Variants in ADH5 observed in about 807,000 individuals in gnomAD.
The protein encoded by ADH5 is alcohol dehydrogenase 5 (class III), chi polypeptide, also known as alcohol dehydrogenase class-3.
In ADH5, 32 loss-of-function variants were observed where a neutral mutation model predicts 40.3. That is an observed-to-expected ratio of 0.79 (90% CI 0.60 to 1.07). The LOEUF (loss-of-function observed/expected upper bound fraction) is 1.07, where lower values mean the gene tolerates loss of function less well. Ranked by LOEUF, ADH5 falls within the 50% of genes least tolerant of loss-of-function variation. ADH5 has a pLI of 0.00. For synonymous variants in ADH5, 125 were observed against 154.3 expected (o/e 0.81, Z 1.41); for missense variants, 353 against 460.5 (o/e 0.77, Z 2.14).
Position 99,076,709 on chromosome 4 carries a change from C to G in ADH5, c.559G>C (p.Ala187Pro). 4 of 1,613,638 alleles carry G rather than the reference C, an allele frequency of 2.5e-6. No homozygotes were observed. Among genetic ancestry groups the G allele is most frequent in the Non-Finnish European group, 3.4e-6 (4 of 1,179,770 alleles). Residue 187 changes from alanine (A) to proline (P), a missense_variant, in exon 5 of 9, where the codon GCC becomes CCC. Coordinates refer to ENST00000296412, the MANE Select transcript of ADH5 (RefSeq NM_000671.4). ...STGYGAAVNT[A>P]KLEPGSVCAV... is the part of the protein sequence containing the mutation. ...AACCCAAGTCAGTCTCTTACCTTGG[C>G]AGTGTTCACAGCAGCACCATAACCG...
At position 99,074,493 on chromosome 4, in the gene ADH5, T is replaced by A. The variant is rs28730633; in HGVS notation, c.961+421A>T. Among the ~76,000 whole-genome samples the A allele has an allele frequency of 3.0e-3, 464 of 152,272 alleles. 9 individuals carry two copies. Among genetic ancestry groups the A allele is most frequent in the African/African-American group, 0.011 (446 of 41,536 alleles). On this transcript the variant is annotated intron_variant, in intron 7 of 8. Coordinates refer to ENST00000296412, the MANE Select transcript of ADH5 (RefSeq NM_000671.4). ...CTGCTAAAATCAGACAGATATATGA[T>A]CACATCCAGTGATCACTGCACTCCT... is the stretch of plus-strand genomic sequence containing the variant.
chr4:99,081,399 GACAAA>G lies in ADH5; in HGVS notation c.305_309del (p.Phe102SerfsTer4). 1.2e-6 allele frequency: 2 copies of G among 1,608,130 alleles called. No individual in the cohort carries two copies. The highest frequency in any genetic ancestry group is 1.3e-5 in the African/African-American group (1 of 74,954). The stretch of plus-strand genomic sequence containing the variant: ...TGGCAAAGGTTAGTTTTAGGATTTA[GACAAA>G]ATTTGCATTCTCCACACTGTGGGAT... On this transcript the variant is annotated frameshift_variant, in exon 4 of 9. Coordinates refer to ENST00000296412, the MANE Select transcript of ADH5 (RefSeq NM_000671.4). LOFTEE classifies it high-confidence loss of function.
chr4:99,081,424 T>C lies in ADH5; in HGVS notation c.285A>G (p.Pro95=), dbSNP rs1466008231. The change falls in exon 4 of 9, where the codon CCA becomes CCG. Residue 95 remains proline (P), a synonymous_variant. Coordinates refer to ENST00000296412, the MANE Select transcript of ADH5 (RefSeq NM_000671.4). Reference sequence around the variant, plus strand: ...GACAAAATTTGCATTCTCCACACTGTGGGATGTAAAGTGGGATGACAGTGT... The same window carrying C: ...GACAAAATTTGCATTCTCCACACTGCGGGATGTAAAGTGGGATGACAGTGT... The part of the protein sequence containing the change: ...AGDTVIPLYI[P]QCGECKFCLN... 1 of 1,610,172 alleles carries C rather than the reference T, an allele frequency of 6.2e-7. No homozygotes were observed. Among genetic ancestry groups the C allele is most frequent in the Admixed American group, 1.7e-5 (1 of 59,630 alleles).
chr4:99,076,780 A>G lies in ADH5; in HGVS notation c.488T>C (p.Leu163Ser), dbSNP rs28730623. The G allele has an allele frequency of 2.0e-3, 3,296 of 1,614,026 alleles. 39 individuals carry two copies. In the African/African-American group the frequency reaches 0.034, roughly 17 times the overall value. The change falls in exon 5 of 9, where the codon TTA (leucine) becomes TCA (serine). Residue 163 changes from leucine (L) to serine (S), a missense_variant. Leu to Ser is a moderately radical substitution (Grantham distance 145). Coordinates refer to ENST00000296412, the MANE Select transcript of ADH5 (RefSeq NM_000671.4). ...ADISVAKIDP[L>S]APLDKVCLLG... Reference sequence around the variant, plus strand: ...AAGGCAGACTTTATCCAAAGGTGCTAAAGGATCTATTTTAGCAACAGAGAT... The same window carrying G: ...AAGGCAGACTTTATCCAAAGGTGCTGAAGGATCTATTTTAGCAACAGAGAT...
chr4:99,072,786 A>C, intron 7 of ADH5, 75 bp from the exon 8 acceptor site: 1 of 1,382,222 alleles, frequency 7.2e-7, no homozygotes, highest in Non-Finnish European at 9.9e-7. Flanking sequence ...GACAAAAGGC[A>C]TTTAAAAGAA....
chr4:99,081,460 C>T lies in ADH5; in HGVS notation c.257-8G>A, dbSNP rs1427296612. 1 of 1,589,176 alleles carries T rather than the reference C, an allele frequency of 6.3e-7. No homozygotes were observed. Among genetic ancestry groups the T allele is most frequent in the African/African-American group, 1.3e-5 (1 of 74,436 alleles). On this transcript the variant is annotated splice_region_variant and splice_polypyrimidine_tract_variant and intron_variant, in intron 3 of 8. Transcript: ENST00000296412. ...GTGGGATGACAGTGTCACCTGGAAACAAATGCAAAGACATCCTGAATAGGT... is the reference window on the plus strand; with the variant it reads ...GTGGGATGACAGTGTCACCTGGAAATAAATGCAAAGACATCCTGAATAGGT...
At chr4:99,087,128 A>G (rs1728157931) in intron 1 of ADH5, among the ~76,000 whole-genome samples, 1 of 151,584 alleles carries the variant, frequency 6.6e-6, no homozygotes, top group African/African-American at 2.4e-5. Context: ...TCACGCCTGT[A>G]ATCCCAGCAC....
In ADH5 at chr4:99,071,816, T is replaced by C. The variant is rs1381852512; in HGVS notation, c.*601A>G. 6.6e-6 allele frequency: 1 copy of C among 152,500 alleles called. No homozygotes were observed. The highest frequency in any genetic ancestry group is 1.5e-5 in the Non-Finnish European group (1 of 68,244). The allele number at this position is 152,500 out of a possible 1,614,324, so 9.4% of individuals were successfully genotyped here. A position where few individuals can be genotyped will look rare whatever the true frequency, so the allele number is the denominator to read the frequency against. On this transcript the variant is annotated 3_prime_UTR_variant, in exon 9 of 9. Coordinates refer to ENST00000296412, the MANE Select transcript of ADH5 (RefSeq NM_000671.4). Reference sequence around the variant, plus strand: ...CACAACCAACACATACATACACCTATTTAAGCCCAGAATGCTGTTTCAATA... The same window carrying C: ...CACAACCAACACATACATACACCTACTTAAGCCCAGAATGCTGTTTCAATA...
At chr4:99,083,737 T>C (rs1385168101) in intron 2 of ADH5, among the ~76,000 whole-genome samples, 1 of 151,872 alleles carries the variant, frequency 6.6e-6, no homozygotes, top group East Asian at 1.9e-4. Flanking sequence ...AGGGGAAGTA[T>C]ACTCCAAGTC....
intron 7 of ADH5, among the ~76,000 whole-genome samples, chr4:99,074,461 T>C (rs1727885897): frequency 6.6e-6 from 1 of 152,204 alleles, no homozygotes; most frequent in Non-Finnish European, 1.5e-5. Context: ...AGACTCAATA[T>C]TGGTTACTGC....
chr4:99,076,866 T>G lies in ADH5; in HGVS notation c.402A>C (p.Gly134=). The change falls in exon 5 of 9, where the codon GGA becomes GGC. Residue 134 remains glycine, a synonymous_variant. Transcript: ENST00000296412. ...TTCCCATGTAATGCAAAATTGTCTT[T>G]CCTTTGCAAGTAAATCTGCTGGTAC... The part of the protein sequence containing the change: ...PDGTSRFTCK[G]KTILHYMGTS... 6.2e-7 allele frequency: 1 copy of G among 1,613,892 alleles called. No individual in the cohort carries two copies. The highest frequency in any genetic ancestry group is 8.5e-7 in the Non-Finnish European group (1 of 1,179,852).
At chr4:99,077,116 C>A (rs941397882) in intron 4 of ADH5, among the ~76,000 whole-genome samples, 193 bp from the exon 5 acceptor site, 2 of 152,204 alleles carry the variant, frequency 1.3e-5, no homozygotes, top group African/African-American at 4.8e-5. Flanking sequence ...TATTTATAAT[C>A]TTATCCATCT....
intron 4 of ADH5, among the ~76,000 whole-genome samples, chr4:99,078,962 C>A (rs2110460991): frequency 6.6e-6 from 1 of 152,230 alleles, no homozygotes; most frequent in Admixed American, 6.5e-5. Flanking sequence ...TCTGGTTTTA[C>A]CAAAGTAACT....
Position 99,088,695 on chromosome 4 carries a change from C to G in ADH5, c.6G>C (p.Ala2=), listed in dbSNP as rs772309402. 6.2e-6 allele frequency: 10 copies of G among 1,607,842 alleles called. No individual in the cohort carries two copies. In the South Asian group the frequency reaches 1.0e-4, roughly 16 times the overall value. The change falls in exon 1 of 9, where the codon GCG becomes GCC. Residue 2 remains alanine (A), a synonymous_variant. Coordinates refer to ENST00000296412, the MANE Select transcript of ADH5 (RefSeq NM_000671.4). Reference sequence around the variant, plus strand: ...TCCGCTCAACGGGCCCTACCTCGTTCGCCATGTTCACGGATTCTGGTCGGC... The same window carrying G: ...TCCGCTCAACGGGCCCTACCTCGTTGGCCATGTTCACGGATTCTGGTCGGC... M[A]NEVIKCKAAV...
intron 2 of ADH5, 73 bp from the exon 3 acceptor site, chr4:99,082,189 T>A (rs1728039286): frequency 6.8e-7 from 1 of 1,460,628 alleles, no homozygotes; most frequent in South Asian, 1.3e-5. Context: ...ACAAGAAAAG[T>A]CATTTTATTA....
Position 99,088,765 on chromosome 4 carries a change from T to C in ADH5, c.-65A>G, listed in dbSNP as rs1464106450. 1.1e-6 allele frequency: 1 copy of C among 926,504 alleles called. No individual in the cohort carries two copies. The highest frequency in any genetic ancestry group is 1.4e-6 in the Non-Finnish European group (1 of 700,486). 57.4% of individuals were successfully genotyped at this position (926,504 alleles called of 1,614,324 possible). A position where few individuals can be genotyped will look rare whatever the true frequency, so the allele number is the denominator to read the frequency against. On this transcript the variant is annotated 5_prime_UTR_variant, in exon 1 of 9. It removes an upstream start codon present in the reference 5' UTR. Coordinates refer to ENST00000296412, the MANE Select transcript of ADH5 (RefSeq NM_000671.4). ...GGTGGGCCGCGCAGCGACGGAGGCA[T>C]GGGCGTGGCGAGCGCCTAGCGAGGG...
At chr4:99,074,773 A>C in intron 7 of ADH5, 141 bp downstream of exon 7, 1 of 1,018,136 alleles carries the variant, frequency 9.8e-7, no homozygotes. Flanking sequence ...CTAATAAAAC[A>C]GCCTTGCATG....
intron 2 of ADH5, 63 bp downstream of exon 2, chr4:99,085,052 A>C (rs1443170363): frequency 3.9e-6 from 3 of 761,096 alleles, no homozygotes; most frequent in Non-Finnish European, 5.7e-6. Context: ...TCTCAGATCT[A>C]CTCATCTATC....
intron 7 of ADH5, 32 bp downstream of exon 7, chr4:99,074,882 A>G: frequency 1.3e-6 from 2 of 1,558,652 alleles, no homozygotes; most frequent in African/African-American, 1.4e-5. Context: ...CTAACAAAAG[A>G]GAAAATGCAG....
Sources: allele counts gnomAD v4.1 joint callset (sites outside exome capture counted in the v4.1 genomes callset), GRCh38; gene constraint gnomAD v4.1.1; transcripts MANE v1.5; gene names NCBI Gene and HGNC (gene_info 2026-07-23, HGNC 2026-07-21).